The following RBFOX1 variants were observed in gnomAD, a reference collection of about 807,000 sequenced individuals.
The protein encoded by RBFOX1 is RNA binding protein fox-1 homolog 1.
RBFOX1 carries 8 observed loss-of-function variants against 57.7 expected under a neutral mutation model. The ratio of observed to expected loss-of-function variants is 0.14; its 90% CI spans 0.08 to 0.25. The LOEUF (loss-of-function observed/expected upper bound fraction) is 0.25. Ranked by LOEUF, RBFOX1 falls within the 10% of genes least tolerant of loss-of-function variation. The pLI, the probability that RBFOX1 is intolerant of heterozygous loss-of-function variation, is 1.00. For synonymous variants in RBFOX1, 326 were observed against 222.4 expected (o/e 1.47, Z -4.15); for missense variants, 611 against 548.5 (o/e 1.11, Z -1.14).
chr16:5,254,108 A>T (rs1442692481), intron 1 of RBFOX1, among the ~76,000 whole-genome samples: 1 of 152,208 alleles, frequency 6.6e-6, no homozygotes, highest in Non-Finnish European at 1.5e-5. Flanking sequence ...TCTAGTGTTT[A>T]GTATATGCTC....
chr16:7,079,432 G>A (rs535397426), intron 4 of RBFOX1, among the ~76,000 whole-genome samples: 2 of 152,314 alleles, frequency 1.3e-5, no homozygotes, highest in Admixed American at 6.5e-5. Context: ...CAGAACCACA[G>A]TTTACACTGT....
chr16:7,638,040 G>C (rs539618014), intron 11 of RBFOX1, among the ~76,000 whole-genome samples: 24 of 152,092 alleles, frequency 1.6e-4, no homozygotes, highest in African/African-American at 3.9e-4. Flanking sequence ...AAAATAATTT[G>C]GGTGTTAAAA....
intron 4 of RBFOX1, among the ~76,000 whole-genome samples, chr16:7,370,639 T>C (rs2097548813): frequency 6.6e-6 from 1 of 152,236 alleles, no homozygotes; most frequent in Non-Finnish European, 1.5e-5. Flanking sequence ...TAGCACATCC[T>C]AGGCATGGGT....
rs150779339 is a variant in RBFOX1, at chr16:7,516,280, C to T, written c.28-1867C>T. On this transcript the variant is annotated intron_variant, in intron 4 of 15. Transcript: ENST00000550418. ...ACTCAGTGGTGTGACTAGGGCTTAA[C>T]GCACTAACGGACTCACTAGATAGAT... Among the ~76,000 whole-genome samples the T allele has an allele frequency of 2.3e-3, 344 of 152,208 alleles. 5 individuals carry two copies. Among genetic ancestry groups the T allele is most frequent in the African/African-American group, 7.4e-3 (309 of 41,524 alleles).
intron 3 of RBFOX1, among the ~76,000 whole-genome samples, chr16:5,626,656 G>A (rs564097926): frequency 3.0e-4 from 45 of 152,112 alleles, no homozygotes; most frequent in African/African-American, 1.0e-3. Flanking sequence ...ATGTTGACAC[G>A]AGCTCCGATA....
intron 3 of RBFOX1, among the ~76,000 whole-genome samples, chr16:5,648,282 C>G (rs2049114464): frequency 1.3e-5 from 2 of 152,212 alleles, no homozygotes; most frequent in African/African-American, 2.4e-5. Flanking sequence ...GTTTTCACAT[C>G]TGGGCAATGG....
chr16:6,726,494 A>G (rs970060), intron 3 of RBFOX1, among the ~76,000 whole-genome samples: 31,587 of 151,656 alleles, frequency 0.21, 3,484 homozygotes, highest in East Asian at 0.42. Flanking sequence ...AGGTGGAACT[A>G]TCACTAGATA....
chr16:6,290,624 G>A (rs976817254), intron 1 of RBFOX1, among the ~76,000 whole-genome samples: 1 of 152,170 alleles, frequency 6.6e-6, no homozygotes, highest in South Asian at 2.1e-4. Context: ...TGTGTCTAAA[G>A]TGAATTTAGC....
intron 2 of RBFOX1, among the ~76,000 whole-genome samples, chr16:6,489,936 C>T (rs1277279427): frequency 6.6e-6 from 1 of 152,128 alleles, no homozygotes; most frequent in Non-Finnish European, 1.5e-5. Flanking sequence ...GAGAGAAATT[C>T]TGCAACTGGA....
rs142195955 is a variant in RBFOX1 at position 6,703,402 on chromosome 16, C to T, written c.-16+48752C>T. 5.7e-3 allele frequency among the ~76,000 whole-genome samples: 862 copies of T among 151,736 alleles called. 9 individuals carry two copies. Among genetic ancestry groups the T allele is most frequent in the South Asian group, 0.026 (127 of 4,794 alleles). On this transcript the variant is annotated intron_variant, in intron 3 of 15. Transcript: ENST00000550418. ...CAGCCTAGGCAACATAGTGAGACCC[C>T]ATCTCTACAGAAAATATAAAAAATA...
chr16:7,683,295 TTC>T (rs2075323469), intron 14 of RBFOX1, among the ~76,000 whole-genome samples: 1 of 151,256 alleles, frequency 6.6e-6, no homozygotes, highest in Admixed American at 6.6e-5. Context: ...TTTCCTGAGT[TTC>T]TCTTAGTTTA....
intron 1 of RBFOX1, among the ~76,000 whole-genome samples, chr16:5,415,560 A>C (rs2067139444): frequency 6.6e-6 from 1 of 152,200 alleles, no homozygotes; most frequent in Non-Finnish European, 1.5e-5. Context: ...AACAGAAAAC[A>C]CTTAAAAGAT....
chr16:6,129,828 G>T (rs569334083), intron 1 of RBFOX1, among the ~76,000 whole-genome samples: 43 of 150,868 alleles, frequency 2.9e-4, no homozygotes, highest in African/African-American at 1.0e-3. Context: ...GGTACAAACA[G>T]TAACTGATTT....
chr16:7,236,179 C>T (rs1393916944), intron 4 of RBFOX1, among the ~76,000 whole-genome samples: 1 of 152,158 alleles, frequency 6.6e-6, no homozygotes, highest in Non-Finnish European at 1.5e-5. Context: ...TTAATCTTCT[C>T]ATATTTAATA....
chr16:7,209,169 T>C (rs185991460), intron 4 of RBFOX1, among the ~76,000 whole-genome samples: 7 of 147,468 alleles, frequency 4.7e-5, no homozygotes, highest in Admixed American at 2.8e-4. Context: ...ATAATAATAA[T>C]AATAATAATA....
At chr16:6,812,998 A>T (rs762005331) in intron 3 of RBFOX1, among the ~76,000 whole-genome samples, 4 of 151,972 alleles carry the variant, frequency 2.6e-5, no homozygotes, top group Non-Finnish European at 4.4e-5. Flanking sequence ...CTTTTTTGTT[A>T]GATTTTTAAA....
chr16:7,246,639 T>C (rs2152996531), intron 4 of RBFOX1, among the ~76,000 whole-genome samples: 2 of 149,422 alleles, frequency 1.3e-5, no homozygotes, highest in African/African-American at 2.5e-5. Flanking sequence ...CCTCCTTTTT[T>C]TTTTTTTTTT....
At position 7,201,803 on chromosome 16, in the gene RBFOX1, G is replaced by T. The variant is rs149185024; in HGVS notation, c.27+149705G>T. On this transcript the variant is annotated intron_variant, in intron 4 of 15. Transcript: ENST00000550418. ...TACAAAGCTTACCCAGGCTGGTAGA[G>T]AATGGGCACGGCAAGCGTGAAGTTA... is the stretch of plus-strand genomic sequence containing the variant. 7.1e-4 allele frequency among the ~76,000 whole-genome samples: 108 copies of T among 152,244 alleles called. 1 individual carries two copies. The East Asian group carries it at 0.02, about 28-fold the overall frequency.
chr16:7,216,557 G>A (rs62015809), intron 4 of RBFOX1, among the ~76,000 whole-genome samples: 48,036 of 151,930 alleles, frequency 0.32, 8,431 homozygotes, highest in East Asian at 0.66. Context: ...AGGAGTAAAG[G>A]GTGTAGCACA....
Sources: allele counts gnomAD v4.1 joint callset (sites outside exome capture counted in the v4.1 genomes callset), GRCh38; gene constraint gnomAD v4.1.1; transcripts MANE v1.5; gene names NCBI Gene and HGNC (gene_info 2026-07-23, HGNC 2026-07-21).